Variants in PLXDC1 observed in about 807,000 individuals in gnomAD.
The protein encoded by PLXDC1 is plexin domain-containing protein 1.
In PLXDC1, 39 loss-of-function variants were observed where a neutral mutation model predicts 61.3. That is an observed-to-expected ratio of 0.64 (90% confidence interval 0.49 to 0.83). The LOEUF is 0.83. Among genes scored for constraint, PLXDC1 ranks in the 40% least tolerant of loss-of-function variants. PLXDC1 has a pLI of 0.00. For missense variants in PLXDC1, 596 were observed against 666.5 expected (o/e 0.89, Z 1.17); for synonymous variants, 212 against 254.5 (o/e 0.83, Z 1.59).
intron 12 of PLXDC1, among the ~76,000 whole-genome samples, chr17:39,071,097 G>A (rs1040296051): frequency 2.6e-5 from 4 of 152,192 alleles, no homozygotes; most frequent in African/African-American, 9.7e-5. Flanking sequence ...AACATCCTAG[G>A]CACTTGAAAT....
intron 2 of PLXDC1, among the ~76,000 whole-genome samples, chr17:39,117,838 G>A (rs1393156622): frequency 6.6e-6 from 1 of 152,192 alleles, no homozygotes; most frequent in African/African-American, 2.4e-5. Flanking sequence ...ACATGCCCAG[G>A]GAGGTGCAAC....
chr17:39,120,916 C>T (rs145041929), intron 2 of PLXDC1, among the ~76,000 whole-genome samples: 11 of 152,226 alleles, frequency 7.2e-5, no homozygotes, highest in Admixed American at 2.0e-4. Context: ...CGCCATCACG[C>T]GCAGCTAATT....
chr17:39,073,860 G>A (rs1909220172), intron 11 of PLXDC1, among the ~76,000 whole-genome samples: 1 of 152,192 alleles, frequency 6.6e-6, no homozygotes, highest in Non-Finnish European at 1.5e-5. Context: ...AAATGCATGG[G>A]CTTTGTGACA....
At chr17:39,133,933 C>T (rs1194602909) in intron 2 of PLXDC1, among the ~76,000 whole-genome samples, 1 of 150,372 alleles carries the variant, frequency 6.7e-6, no homozygotes, top group Non-Finnish European at 1.5e-5. Flanking sequence ...GGCTGATACA[C>T]ATAATTTGAT....
At chr17:39,088,628 G>A (rs562298649) in intron 7 of PLXDC1, among the ~76,000 whole-genome samples, 8 of 152,198 alleles carry the variant, frequency 5.3e-5, no homozygotes, top group African/African-American at 1.9e-4. Context: ...CTTGGGGTTG[G>A]TTTTCTTCAA....
At chr17:39,120,132 G>A (rs1366020428) in intron 2 of PLXDC1, among the ~76,000 whole-genome samples, 2 of 152,174 alleles carry the variant, frequency 1.3e-5, no homozygotes, top group Non-Finnish European at 2.9e-5. Flanking sequence ...CACCCCTGCA[G>A]GCCACTCTGA....
chr17:39,092,619 C>G (rs528058315), intron 7 of PLXDC1, among the ~76,000 whole-genome samples: 1 of 152,324 alleles, frequency 6.6e-6, no homozygotes, highest in East Asian at 1.9e-4. Flanking sequence ...GGTGCACAGA[C>G]AGACATCGCT....
intron 2 of PLXDC1, among the ~76,000 whole-genome samples, chr17:39,124,536 T>G (rs1438713759): frequency 1.3e-5 from 2 of 152,142 alleles, no homozygotes; most frequent in Non-Finnish European, 2.9e-5. Context: ...AAGGCTGCAG[T>G]GAACTATGTT....
intron 10 of PLXDC1, among the ~76,000 whole-genome samples, chr17:39,078,342 C>T (rs1206850182): frequency 6.6e-6 from 1 of 152,084 alleles, no homozygotes; most frequent in East Asian, 1.9e-4. Context: ...AATGCTGGGC[C>T]CGTCACCTTC....
intron 2 of PLXDC1, among the ~76,000 whole-genome samples, chr17:39,122,111 A>AAAGGC (rs1491196046): frequency 9.9e-5 from 4 of 40,308 alleles, no homozygotes; most frequent in South Asian, 1.0e-3. Context: ...AAAAAAAAAA[A>AAAGGC]GGGGGGGGGG....
intron 2 of PLXDC1, among the ~76,000 whole-genome samples, chr17:39,124,755 C>T (rs1255635900): frequency 6.6e-6 from 1 of 152,188 alleles, no homozygotes; most frequent in African/African-American, 2.4e-5. Context: ...ACATGCCTGC[C>T]TCATCAGGTA....
At chr17:39,090,971 G>A (rs1164697630) in intron 7 of PLXDC1, among the ~76,000 whole-genome samples, 1 of 152,146 alleles carries the variant, frequency 6.6e-6, no homozygotes, top group African/African-American at 2.4e-5. Flanking sequence ...GAGAGAGGAG[G>A]CCCACAGAGG....
chr17:39,127,972 T>C (rs1264456237), intron 2 of PLXDC1, among the ~76,000 whole-genome samples: 3 of 132,642 alleles, frequency 2.3e-5, no homozygotes, highest in Non-Finnish European at 4.8e-5. Flanking sequence ...AAAAAGATGC[T>C]CAATATCAGT....
At position 39,101,467 on chromosome 17, in the gene PLXDC1, G is replaced by A. The variant is rs114859425; in HGVS notation, c.811+4387C>T. 3.5e-3 allele frequency among the ~76,000 whole-genome samples: 533 copies of A among 152,282 alleles called. 2 individuals carry two copies. The highest frequency in any genetic ancestry group is 0.012 in the African/African-American group (505 of 41,552). On this transcript the variant is annotated intron_variant, in intron 7 of 13. Transcript: ENST00000315392. The stretch of plus-strand genomic sequence containing the variant: ...TGGAAGAAAGGAGACAGAGGGCACG[G>A]GGCCCTAAAAAGGGAGACGGAGAAG...
rs533318583 is a variant in PLXDC1 at position 39,072,086 on chromosome 17, G to A, written c.1222+364C>T. On this transcript the variant is annotated intron_variant, in intron 12 of 13. Transcript: ENST00000315392. The stretch of plus-strand genomic sequence containing the variant: ...CTGCTCTCCACCCCTTGCTGACTAT[G>A]AGCCCATGGGGATCAGAGGGGATGG... 4.5e-5 allele frequency: 12 copies of A among 267,668 alleles called. No individual in the cohort carries two copies. The South Asian group carries it at 1.0e-3, about 22-fold the overall frequency. The allele number at this position is 267,668 out of a possible 1,614,324, so 16.6% of individuals were successfully genotyped here.
upstream of PLXDC1, among the ~76,000 whole-genome samples, chr17:39,151,953 GA>G (rs995740590): frequency 6.6e-6 from 1 of 152,110 alleles, no homozygotes. The surrounding 1 kb of genome is among the most constrained non-coding windows in gnomAD (Gnocchi z 5.2). Context: ...TGGACCCCTG[GA>G]AGGGACAGGC....
intron 2 of PLXDC1, among the ~76,000 whole-genome samples, chr17:39,136,581 G>T (rs1597659714): frequency 6.6e-6 from 1 of 151,932 alleles, no homozygotes; most frequent in African/African-American, 2.4e-5. Context: ...TTTAGTCATG[G>T]TTCCAAACCA....
intron 11 of PLXDC1, among the ~76,000 whole-genome samples, chr17:39,077,379 G>GGT: frequency 6.6e-6 from 1 of 152,270 alleles, no homozygotes; most frequent in Admixed American, 6.5e-5. Flanking sequence ...TAGCAGGGAA[G>GGT]CCCCTAGATT....
chr17:39,102,339 G>T (rs118124080), intron 7 of PLXDC1, among the ~76,000 whole-genome samples: 2,126 of 152,214 alleles, frequency 0.014, 23 homozygotes, highest in Non-Finnish European at 0.02. Context: ...GTAGGTGACA[G>T]GCATGCCCAC....
Sources: allele counts gnomAD v4.1 joint callset (sites outside exome capture counted in the v4.1 genomes callset), GRCh38; gene constraint gnomAD v4.1.1; non-coding constraint Gnocchi (gnomAD v3.1); transcripts MANE v1.5; gene names NCBI Gene and HGNC (gene_info 2026-07-23, HGNC 2026-07-21).